The following COL6A6 variants were observed in gnomAD, a reference collection of about 807,000 sequenced individuals.
COL6A6 encodes the protein collagen type VI alpha 6 chain, also known as collagen alpha-6(VI) chain.
COL6A6 carries 183 observed loss-of-function variants against 208.6 expected under a neutral mutation model. The ratio of observed to expected loss-of-function variants is 0.88; its 90% CI spans 0.78 to 0.99. The LOEUF is 0.99. Ranked by LOEUF, COL6A6 falls within the 50% of genes least tolerant of loss-of-function variation. The pLI is 0.00. For synonymous variants in COL6A6, 973 were observed against 1,011.8 expected, an observed-to-expected ratio of 0.96 and a Z score of 0.73; for missense variants, 2,816 against 2,815.2, an observed-to-expected ratio of 1.00 and a Z score of -0.01.
At chr3:130,593,024 G>A (rs530965956) in intron 15 of COL6A6, 37 bp from the exon 16 acceptor site, 136 of 1,584,312 alleles carry the variant, frequency 8.6e-5, no homozygotes, top group Non-Finnish European at 4.0e-5. Context: ...ACACATGCAC[G>A]TGATGTACTC....
chr3:130,563,125 A>G lies in COL6A6; in HGVS notation c.122A>G (p.Lys41Arg). Residue 41 changes from lysine to arginine, a missense_variant, in exon 3 of 37, where the codon AAG becomes AGG. By Grantham distance (26) the Lys-to-Arg change is conservative. Coordinates refer to ENST00000358511, the MANE Select transcript of COL6A6 (RefSeq NM_001102608.3). Reference protein sequence around the residue: ...LVDSSDRLGSKSFPFVKMFIT... With the variant: ...LVDSSDRLGSRSFPFVKMFIT... ...GACAGCTCTGATCGCCTGGGATCCA[A>G]GTCCTTCCCATTTGTGAAAATGTTC... 1 of 1,614,030 alleles carries G rather than the reference A, an allele frequency of 6.2e-7. No homozygotes were observed. The highest frequency in any genetic ancestry group is 2.2e-5 in the East Asian group (1 of 44,882).
intron 30 of COL6A6, 26 bp from the exon 31 acceptor site, chr3:130,642,961 G>A: frequency 3.1e-6 from 5 of 1,613,700 alleles, no homozygotes; most frequent in Non-Finnish European, 4.2e-6. Context: ...TTGTTTAATT[G>A]TTTCTGTTTT....
rs1483007699 is a variant in COL6A6 at position 130,571,525 on chromosome 3, C to G, written c.2977+132C>G. On this transcript the variant is annotated intron_variant, in intron 7 of 36. Coordinates refer to ENST00000358511, the MANE Select transcript of COL6A6 (RefSeq NM_001102608.3). ...AGCTCTAATTGTTTCATAGGACTTT[C>G]TATATTATAAAATCTGAGGGTTGGA... 3.2e-5 allele frequency: 20 copies of G among 621,214 alleles called. No individual in the cohort carries two copies. In the East Asian group the frequency reaches 5.2e-4, roughly 16 times the overall value. The allele number at this position is 621,214 out of a possible 1,614,324, so 38.5% of individuals were successfully genotyped here. A position where few individuals can be genotyped will look rare whatever the true frequency, so the allele number is the denominator to read the frequency against.
intron 33 of COL6A6, among the ~76,000 whole-genome samples, chr3:130,658,408 T>C (rs1299045014): frequency 6.6e-6 from 1 of 152,194 alleles, no homozygotes; most frequent in Non-Finnish European, 1.5e-5. Flanking sequence ...ATGAACCCAT[T>C]TAATGCTCAC....
intron 32 of COL6A6, chr3:130,646,381 T>C (rs2065461787): frequency 6.6e-6 from 1 of 152,236 alleles, no homozygotes; most frequent in Non-Finnish European, 1.5e-5. Context: ...GAGACCAGCC[T>C]GGCCAACATA....
In COL6A6 at chr3:130,574,224, A is replaced by G; in HGVS notation, c.3246A>G (p.Ala1082=). Residue 1082 remains alanine (A), a synonymous_variant, in exon 8 of 37, where the codon GCA becomes GCG. Transcript: ENST00000358511. ...QIFGNTHIGA[A]LREVEHYFRP... is the part of the protein sequence containing the mutation. ...TTGGAAACACACACATCGGTGCTGCACTCAGGGAGGTGGAACATTACTTCA... is the reference window on the plus strand; with the variant it reads ...TTGGAAACACACACATCGGTGCTGCGCTCAGGGAGGTGGAACATTACTTCA... The G allele has an allele frequency of 6.2e-7, 1 of 1,614,034 alleles. No individual in the cohort carries two copies. The highest frequency in any genetic ancestry group is 2.2e-5 in the East Asian group (1 of 44,884).
chr3:130,627,344 G>A lies in COL6A6; in HGVS notation c.4967G>A (p.Gly1656Asp), dbSNP rs751617863. 9.3e-6 allele frequency: 15 copies of A among 1,613,782 alleles called. No individual in the cohort carries two copies. Among genetic ancestry groups the A allele is most frequent in the African/African-American group, 1.3e-5 (1 of 75,020 alleles). Reference protein sequence around the residue: ...LQGNDGSPGYGSVGRKGAKGQ... With the variant: ...LQGNDGSPGYDSVGRKGAKGQ... ...GGCAATGATGGCAGTCCAGGTTATGGTAGTGTCGGACGCAAGGGAGCAAAG... is the reference window on the plus strand; with the variant it reads ...GGCAATGATGGCAGTCCAGGTTATGATAGTGTCGGACGCAAGGGAGCAAAG... Residue 1656 changes from glycine to aspartate, a missense_variant, in exon 26 of 37, where the codon GGT becomes GAT. Coordinates refer to ENST00000358511, the MANE Select transcript of COL6A6 (RefSeq NM_001102608.3).
chr3:130,657,622 T>C (rs2065829010), intron 33 of COL6A6, among the ~76,000 whole-genome samples: 1 of 152,234 alleles, frequency 6.6e-6, no homozygotes, highest in Non-Finnish European at 1.5e-5. Context: ...TTTCAGTTAG[T>C]ACGTACTAAG....
At chr3:130,554,281 A>C (rs1418932268) in intron 1 of COL6A6, among the ~76,000 whole-genome samples, 1 of 152,170 alleles carries the variant, frequency 6.6e-6, no homozygotes, top group Non-Finnish European at 1.5e-5. Context: ...CACAAGATGG[A>C]GTGGGGCTGC....
At chr3:130,569,794 G>A (rs969596034) in intron 6 of COL6A6, among the ~76,000 whole-genome samples, 3 of 152,198 alleles carry the variant, frequency 2.0e-5, no homozygotes, top group Non-Finnish European at 1.5e-5. Flanking sequence ...AGTACAGCCA[G>A]CCTTTCTTGG....
chr3:130,636,658 G>A (rs1236391025), intron 28 of COL6A6, among the ~76,000 whole-genome samples: 3 of 151,524 alleles, frequency 2.0e-5, no homozygotes, highest in Non-Finnish European at 2.9e-5. Context: ...CAAACTATAC[G>A]ATCTTTATGT....
intron 2 of COL6A6, among the ~76,000 whole-genome samples, chr3:130,562,423 C>T (rs1159277604): frequency 6.6e-6 from 1 of 152,156 alleles, no homozygotes; most frequent in Non-Finnish European, 1.5e-5. Context: ...ATATAATGCT[C>T]ATTCATGTAA....
chr3:130,566,172 G>A (rs1008673176), intron 4 of COL6A6, among the ~76,000 whole-genome samples: 19 of 152,078 alleles, frequency 1.2e-4, no homozygotes, highest in Non-Finnish European at 2.2e-4. Flanking sequence ...TTATGTATTG[G>A]TATACATATA....
intron 4 of COL6A6, among the ~76,000 whole-genome samples, chr3:130,566,083 C>CTA (rs1337328815): frequency 6.6e-6 from 1 of 152,012 alleles, no homozygotes; most frequent in East Asian, 1.9e-4. Flanking sequence ...TGTGGGGTAC[C>CTA]ATTCTAGCAT....
chr3:130,616,407 T>TATATGA (rs2064524480), intron 23 of COL6A6, among the ~76,000 whole-genome samples: 2 of 152,098 alleles, frequency 1.3e-5, no homozygotes, highest in Non-Finnish European at 2.9e-5. Context: ...TCCAGCCAAG[T>TATATGA]ATATGACTAT....
chr3:130,531,045 CACACACACACACACAG>C (rs1559954775), intron 1 of COL6A6, among the ~76,000 whole-genome samples: 305 of 20,658 alleles, frequency 0.015, 2 homozygotes, highest in African/African-American at 0.021. Context: ...CACAGACACA[CACACACACACACACAG>C]TCTCTCTCTC....
intron 1 of COL6A6, among the ~76,000 whole-genome samples, chr3:130,526,973 G>A (rs546470777): frequency 2.0e-5 from 3 of 150,738 alleles, no homozygotes; most frequent in East Asian, 1.9e-4. Flanking sequence ...AAGGAAAATC[G>A]GTCTCCGAGA....
chr3:130,592,484 A>G (rs1164115912), intron 13 of COL6A6, 57 bp from the exon 14 acceptor site: 6 of 1,388,632 alleles, frequency 4.3e-6, no homozygotes, highest in Non-Finnish European at 5.9e-6. Context: ...TCAAGTTTTC[A>G]AGACAGATCT....
chr3:130,581,557 C>G lies in COL6A6; in HGVS notation c.3548-4C>G. On this transcript the variant is annotated splice_polypyrimidine_tract_variant and splice_region_variant and intron_variant, in intron 8 of 36. Coordinates refer to ENST00000358511, the MANE Select transcript of COL6A6 (RefSeq NM_001102608.3). Reference sequence around the variant, plus strand: ...TTAAGACATGCTTTTCCTTTGAATCCTAGACTGTTTCGTGGATGTTGTGGT... The same window carrying G: ...TTAAGACATGCTTTTCCTTTGAATCGTAGACTGTTTCGTGGATGTTGTGGT... 1.3e-6 allele frequency: 2 copies of G among 1,594,580 alleles called. No homozygotes were observed. Among genetic ancestry groups the G allele is most frequent in the Non-Finnish European group, 1.7e-6 (2 of 1,167,726 alleles).
Sources: gnomAD v4.1 joint callset for allele counts (sites outside exome capture counted in the v4.1 genomes callset) on GRCh38, gnomAD v4.1.1 for gene constraint, MANE v1.5 for transcripts, NCBI Gene and HGNC (gene_info 2026-07-23, HGNC 2026-07-21) for gene names.